KCTD5: variants seen among roughly 807,000 people sequenced by gnomAD.
KCTD5 encodes BTB/POZ domain-containing protein KCTD5.
Under a neutral mutation model 27.9 loss-of-function variants are expected in KCTD5, and 12 were observed. The observed-to-expected ratio is 0.43, with a 90% CI of 0.28 to 0.70. KCTD5 has a LOEUF of 0.70. KCTD5 is among the 30% of genes least tolerant of loss of function. The pLI is 0.19. For synonymous variants in KCTD5, 147 were observed against 121.4 expected, an observed-to-expected ratio of 1.21 and a Z score of -1.39; for missense variants, 226 against 274.8, an observed-to-expected ratio of 0.82 and a Z score of 1.26.
rs2067523656 is a variant in KCTD5, at chr16:2,682,707, C to T, written c.159C>T (p.Thr53=). 4.3e-6 allele frequency: 7 copies of T among 1,610,186 alleles called. No individual in the cohort carries two copies. In the East Asian group the frequency reaches 1.1e-4, roughly 26 times the overall value. The change falls in exon 1 of 6, where the codon ACC becomes ACT. Residue 53 remains threonine, a synonymous_variant. Transcript: ENST00000301738. ...GGGTCCGACTCAACGTCGGCGGCAC[C>T]TACTTCCTCACCACTCGGCAGACCC... ...SKWVRLNVGG[T]YFLTTRQTLC...
At chr16:2,700,267 G>A (rs948791977) in intron 4 of KCTD5, among the ~76,000 whole-genome samples, 34 of 152,184 alleles carry the variant, frequency 2.2e-4, no homozygotes, top group Admixed American at 2.0e-3. Context: ...CGCAATCCCC[G>A]TCCCCCACAG....
rs142731280 is a variant in KCTD5 at position 2,706,391 on chromosome 16, C to T, written c.676-907C>T. Reference sequence around the variant, plus strand: ...CCTACCTGGTGTTGGGCAGCCCTCACGTGACACATGGAGACAGCTGTTGTG... The same window carrying T: ...CCTACCTGGTGTTGGGCAGCCCTCATGTGACACATGGAGACAGCTGTTGTG... On this transcript the variant is annotated intron_variant, in intron 5 of 5. Transcript: ENST00000301738. Among the ~76,000 whole-genome samples the T allele has an allele frequency of 7.2e-3, 1,095 of 152,276 alleles. 12 individuals are homozygous for T. Among genetic ancestry groups the T allele is most frequent in the African/African-American group, 0.025 (1,044 of 41,560 alleles).
At chr16:2,698,739 G>A (rs1393283402) in intron 3 of KCTD5, among the ~76,000 whole-genome samples, 3 of 152,242 alleles carry the variant, frequency 2.0e-5, no homozygotes, top group Non-Finnish European at 4.4e-5. Context: ...GCTCAGGGCC[G>A]CTGGCCACCT....
chr16:2,685,532 C>T (rs930715278), intron 1 of KCTD5: 2 of 149,002 alleles, frequency 1.3e-5, no homozygotes, highest in African/African-American at 5.0e-5. Context: ...ATATTAGTCA[C>T]GTTACTAAAG....
rs2067523845 is a variant in KCTD5, at chr16:2,682,741, G to T, written c.193G>T (p.Asp65Tyr). 4 of 1,610,442 alleles carry T rather than the reference G, an allele frequency of 2.5e-6. No homozygotes were observed. The highest frequency in any genetic ancestry group is 3.4e-6 in the Non-Finnish European group (4 of 1,178,856). Residue 65 changes from aspartate to tyrosine, a missense_variant, in exon 1 of 6, where the codon GAC becomes TAC. Coordinates refer to ENST00000301738, the MANE Select transcript of KCTD5 (RefSeq NM_018992.4). ...CACCACTCGGCAGACCCTGTGCCGG[G>T]ACCCGAAATCCTTCCTGTACCGCTT... Reference protein sequence around the residue: ...FLTTRQTLCRDPKSFLYRLCQ... With the variant: ...FLTTRQTLCRYPKSFLYRLCQ...
intron 1 of KCTD5, among the ~76,000 whole-genome samples, chr16:2,688,514 G>T (rs1198964948): frequency 6.6e-6 from 1 of 152,068 alleles, no homozygotes; most frequent in Non-Finnish European, 1.5e-5. Flanking sequence ...GCCTCCCAAA[G>T]TGCTGGGATT....
chr16:2,688,131 A>T (rs941435570), intron 1 of KCTD5, among the ~76,000 whole-genome samples: 1 of 151,160 alleles, frequency 6.6e-6, no homozygotes, highest in Non-Finnish European at 1.5e-5. Context: ...CCCGCCCCGT[A>T]CCTGGTGCCA....
chr16:2,706,364 G>A (rs1365796292), intron 5 of KCTD5, among the ~76,000 whole-genome samples: 1 of 152,202 alleles, frequency 6.6e-6, no homozygotes, highest in Non-Finnish European at 1.5e-5. Flanking sequence ...GGGCGTTGCT[G>A]CCCTACCTGG....
rs1460717690 is a variant in KCTD5 at position 2,702,382 on chromosome 16, T to C, written c.579T>C (p.Tyr193=). The C allele has an allele frequency of 6.2e-7, 1 of 1,613,316 alleles. No homozygotes were observed. The highest frequency in any genetic ancestry group is 8.5e-7 in the Non-Finnish European group (1 of 1,179,942). The change falls in exon 5 of 6, where the codon TAT becomes TAC. Residue 193 remains tyrosine (Y), a synonymous_variant. Transcript: ENST00000301738. ...TCAGCATCGGCTCCTCTTACAACTA[T>C]GGGAACGAAGACCAAGCCGAGTTCC... ...QLVSIGSSYN[Y]GNEDQAEFLC... is the part of the protein sequence containing the mutation.
chr16:2,705,472 C>T (rs1014183105), intron 5 of KCTD5, among the ~76,000 whole-genome samples: 3 of 152,156 alleles, frequency 2.0e-5, no homozygotes, highest in Non-Finnish European at 2.9e-5. Flanking sequence ...GGGGGCTGGG[C>T]AGGGAGTGCC....
At chr16:2,700,681 C>G (rs1387904076) in intron 4 of KCTD5, among the ~76,000 whole-genome samples, 1 of 152,186 alleles carries the variant, frequency 6.6e-6, no homozygotes, top group East Asian at 1.9e-4. Context: ...CAGGTTCTGT[C>G]CATGGCCCAG....
chr16:2,682,794 A>G lies in KCTD5; in HGVS notation c.246A>G (p.Ser82=), dbSNP rs1487889719. ...GCCAGGCCGATCCCGACCTGGACTC[A>G]GACAAGGTGAGGGCCTCACGGGCCA... The part of the protein sequence containing the change: ...RLCQADPDLD[S]DKDETGAYLI... Residue 82 remains serine (S), a synonymous_variant, in exon 1 of 6, where the codon TCA becomes TCG. Transcript: ENST00000301738. 6.3e-6 allele frequency: 10 copies of G among 1,594,096 alleles called. No homozygotes were observed. The highest frequency in any genetic ancestry group is 8.5e-6 in the Non-Finnish European group (10 of 1,171,902).
intron 3 of KCTD5, among the ~76,000 whole-genome samples, chr16:2,698,331 A>G (rs1362922856): frequency 6.6e-6 from 1 of 152,228 alleles, no homozygotes; most frequent in Non-Finnish European, 1.5e-5. Context: ...GGCATCTGGT[A>G]GGGAGCAGAG....
chr16:2,707,187 G>A, intron 5 of KCTD5, 111 bp from the exon 6 acceptor site: 1 of 1,010,674 alleles, frequency 9.9e-7, no homozygotes, highest in Non-Finnish European at 1.5e-6. Flanking sequence ...TGGGTTCCCG[G>A]GGCTCCCCGA....
intron 4 of KCTD5, among the ~76,000 whole-genome samples, chr16:2,700,726 C>T (rs1452492706): frequency 6.6e-6 from 1 of 152,168 alleles, no homozygotes; most frequent in Non-Finnish European, 1.5e-5. Context: ...ACAGGCTCAG[C>T]CAGTGTCCCT....
At chr16:2,684,646 T>C (rs907053917) in intron 1 of KCTD5, 5 of 152,082 alleles carry the variant, frequency 3.3e-5, no homozygotes, top group African/African-American at 1.2e-4. Context: ...GCACCTGTAG[T>C]CCCAGCTACT....
chr16:2,700,362 C>T (rs1389586431), intron 4 of KCTD5, among the ~76,000 whole-genome samples: 1 of 152,246 alleles, frequency 6.6e-6, no homozygotes, highest in Non-Finnish European at 1.5e-5. Flanking sequence ...TGCTGCCAGG[C>T]CCTCGTTGCC....
intron 1 of KCTD5, chr16:2,684,673 G>A (rs1258083265): frequency 6.6e-6 from 1 of 152,090 alleles, no homozygotes; most frequent in Non-Finnish European, 1.5e-5. Flanking sequence ...TCTGAGGCAG[G>A]AGAATGGCGT....
intron 4 of KCTD5, 67 bp from the exon 5 acceptor site, chr16:2,702,286 G>C (rs941605535): frequency 1.3e-5 from 21 of 1,600,446 alleles, no homozygotes; most frequent in Non-Finnish European, 1.7e-5. Context: ...CCTGAGGCTG[G>C]TCATGTCAGC....
Sources: allele counts gnomAD v4.1 joint callset (sites outside exome capture counted in the v4.1 genomes callset), GRCh38; gene constraint gnomAD v4.1.1; transcripts MANE v1.5; gene names NCBI Gene and HGNC (gene_info 2026-07-23, HGNC 2026-07-21).